The following GPHN variants were observed in gnomAD, a reference collection of about 807,000 sequenced individuals.
The protein encoded by GPHN is gephyrin.
GPHN carries 17 observed loss-of-function variants against 95.5 expected under a neutral mutation model. That is an observed-to-expected ratio of 0.18 (90% confidence interval 0.12 to 0.27). The LOEUF is 0.27. Ranked by LOEUF, GPHN falls within the 10% of genes least tolerant of loss-of-function variation. The pLI, the probability that GPHN is intolerant of heterozygous loss-of-function variation, is 1.00. For synonymous variants in GPHN, 320 were observed against 322.5 expected (o/e 0.99, Z 0.08); for missense variants, 660 against 978.1 (o/e 0.67, Z 4.34).
chr14:67,300,061 G>T, the GPHN span, among the ~76,000 whole-genome samples: 1 of 152,128 alleles, frequency 6.6e-6, no homozygotes, highest in Non-Finnish European at 1.5e-5. Flanking sequence ...CTTGTCCATT[G>T]TAAGATTTTA....
At chr14:66,538,467 T>C (rs2059222221) in intron 1 of GPHN, among the ~76,000 whole-genome samples, 1 of 152,114 alleles carries the variant, frequency 6.6e-6, no homozygotes, top group African/African-American at 2.4e-5. Flanking sequence ...CTTTTCTCTC[T>C]GTGGTTCAAT....
At chr14:66,698,271 G>A (rs569619712) in intron 2 of GPHN, among the ~76,000 whole-genome samples, 29 of 152,140 alleles carry the variant, frequency 1.9e-4, no homozygotes, top group Non-Finnish European at 3.7e-4. Flanking sequence ...TGGAGAAAAA[G>A]GTTAAATACT....
At chr14:67,150,431 A>T (rs2081191272) in intron 18 of GPHN, among the ~76,000 whole-genome samples, 1 of 119,978 alleles carries the variant, frequency 8.3e-6, no homozygotes, top group Non-Finnish European at 1.6e-5. Context: ...ACAGAGCGAG[A>T]CTCCGTCTCA....
chr14:67,336,842 T>C, the GPHN span: 1 of 446,938 alleles, frequency 2.2e-6, no homozygotes, highest in Admixed American at 2.4e-5. Context: ...AACCTAAGAT[T>C]TTATTCTGTG....
At chr14:67,042,665 T>C (rs2074772230) in intron 10 of GPHN, among the ~76,000 whole-genome samples, 2 of 152,216 alleles carry the variant, frequency 1.3e-5, no homozygotes, top group Admixed American at 6.5e-5. Flanking sequence ...GGTAGCGTGA[T>C]GTCTCCAGCT....
chr14:67,090,234 G>A (rs1342459630), intron 12 of GPHN, among the ~76,000 whole-genome samples: 6 of 151,892 alleles, frequency 4.0e-5, no homozygotes, highest in African/African-American at 1.2e-4. Flanking sequence ...CTCTTACTTG[G>A]TTTTGGTTTT....
the GPHN span, among the ~76,000 whole-genome samples, chr14:67,684,111 C>T: frequency 6.6e-6 from 1 of 152,282 alleles, no homozygotes; most frequent in East Asian, 1.9e-4. Flanking sequence ...ATTATTCATT[C>T]ATGAAACAAA....
chr14:67,306,513 T>TTGTGTGTG, the GPHN span, among the ~76,000 whole-genome samples: 4 of 147,430 alleles, frequency 2.7e-5, no homozygotes, highest in African/African-American at 9.9e-5. Flanking sequence ...CTGGCTGAAT[T>TTGTGTGTG]TGTGTGTGTG....
chr14:67,018,639 T>A (rs538241599), intron 9 of GPHN, among the ~76,000 whole-genome samples: 1 of 152,262 alleles, frequency 6.6e-6, no homozygotes, highest in South Asian at 2.1e-4. Flanking sequence ...TAACTGTACA[T>A]AGAATTTTCC....
the GPHN span, among the ~76,000 whole-genome samples, chr14:67,705,280 C>G: frequency 5.3e-5 from 8 of 152,154 alleles, no homozygotes; most frequent in African/African-American, 1.9e-4. Context: ...TGACAACATA[C>G]AAGTTAAAAT....
intron 10 of GPHN, among the ~76,000 whole-genome samples, chr14:67,043,231 T>C (rs546561822): frequency 6.6e-6 from 1 of 152,316 alleles, no homozygotes; most frequent in Middle Eastern, 3.4e-3. Flanking sequence ...TCGCTTTCTC[T>C]TGCCTGATTG....
chr14:67,204,405 G>T, the GPHN span: 1 of 1,289,342 alleles, frequency 7.8e-7, no homozygotes. Context: ...CATCACCACT[G>T]CACTCCAACG....
chr14:66,951,611 A>G (rs1429761775), intron 8 of GPHN, among the ~76,000 whole-genome samples: 16 of 152,164 alleles, frequency 1.1e-4, no homozygotes, highest in Admixed American at 1.0e-3. Flanking sequence ...CAACCAAAAT[A>G]GTGTTGAACA....
At chr14:67,152,763 G>A (rs745432472) in intron 18 of GPHN, among the ~76,000 whole-genome samples, 1 of 149,790 alleles carries the variant, frequency 6.7e-6, no homozygotes, top group Non-Finnish European at 1.5e-5. Context: ...TCAGGAGATT[G>A]AGACCATCCT....
At chr14:67,690,461 G>A in the GPHN span, 16 of 1,573,888 alleles carry the variant, frequency 1.0e-5, no homozygotes, top group Non-Finnish European at 1.3e-5. Flanking sequence ...TCAGGGCCAT[G>A]TAGGAATGAC....
At chr14:66,808,165 C>A (rs1390310078) in intron 3 of GPHN, among the ~76,000 whole-genome samples, 2 of 152,090 alleles carry the variant, frequency 1.3e-5, no homozygotes, top group Non-Finnish European at 2.9e-5. Context: ...TCTTTATTAG[C>A]CATTGGGATC....
the GPHN span, among the ~76,000 whole-genome samples, chr14:67,213,140 AT>A: frequency 2.8e-4 from 41 of 148,772 alleles, no homozygotes; most frequent in African/African-American, 4.4e-4. Flanking sequence ...TGCATGTAGA[AT>A]TTTTTTTTAA....
chr14:66,689,332 G>A (rs1006461715), intron 2 of GPHN, among the ~76,000 whole-genome samples: 2 of 152,128 alleles, frequency 1.3e-5, no homozygotes, highest in East Asian at 1.9e-4. Flanking sequence ...TTGATGTGAT[G>A]TGTCATATTT....
At chr14:67,078,285 G>A (rs2076570371) in intron 11 of GPHN, among the ~76,000 whole-genome samples, 1 of 152,122 alleles carries the variant, frequency 6.6e-6, no homozygotes, top group Non-Finnish European at 1.5e-5. Flanking sequence ...GCTCTTCCTG[G>A]AATGGGGCAA....
Sources: allele counts gnomAD v4.1 joint callset (sites outside exome capture counted in the v4.1 genomes callset), GRCh38; gene constraint gnomAD v4.1.1; transcripts MANE v1.5; gene names NCBI Gene and HGNC (gene_info 2026-07-23, HGNC 2026-07-21).